TTLL7: variants seen among roughly 807,000 people sequenced by gnomAD.
The protein encoded by TTLL7 is tubulin tyrosine ligase like 7.
Under a neutral mutation model 120.2 loss-of-function variants are expected in TTLL7, and 53 were observed. The observed-to-expected ratio is 0.44, with a 90% confidence interval of 0.35 to 0.55. The LOEUF (loss-of-function observed/expected upper bound fraction) is 0.55. Ranked by LOEUF, TTLL7 falls within the 20% of genes least tolerant of loss-of-function variation. TTLL7 has a pLI of 0.00. For synonymous variants in TTLL7, 353 were observed against 351.7 expected (o/e 1.00, Z -0.04); for missense variants, 803 against 1,054.7 (o/e 0.76, Z 3.31).
At chr1:83,897,557 G>T (rs1035264294) in intron 18 of TTLL7, among the ~76,000 whole-genome samples, 1 of 152,002 alleles carries the variant, frequency 6.6e-6, no homozygotes, top group African/African-American at 2.4e-5. Context: ...TCCCCACTGG[G>T]GATCCACTGC....
chr1:83,931,741 A>C (rs1352618318), intron 9 of TTLL7, among the ~76,000 whole-genome samples: 1 of 152,120 alleles, frequency 6.6e-6, no homozygotes, highest in African/African-American at 2.4e-5. Context: ...TCCTAAAAAA[A>C]TGTTTTCTAC....
At chr1:83,963,050 C>T (rs1213024195) in intron 1 of TTLL7, among the ~76,000 whole-genome samples, 1 of 152,078 alleles carries the variant, frequency 6.6e-6, no homozygotes, top group Non-Finnish European at 1.5e-5. Flanking sequence ...ATCATTTTTG[C>T]CATAGCCTGC....
chr1:83,953,259 A>C (rs2100866026), intron 1 of TTLL7, among the ~76,000 whole-genome samples: 1 of 152,316 alleles, frequency 6.6e-6, no homozygotes, highest in Admixed American at 6.5e-5. Context: ...CATATTGTTC[A>C]GTCTGTACTA....
At chr1:83,881,142 A>G (rs1654418402) in intron 20 of TTLL7, among the ~76,000 whole-genome samples, 1 of 151,392 alleles carries the variant, frequency 6.6e-6, no homozygotes, top group South Asian at 2.1e-4. Context: ...AAAACCCTAG[A>G]AGAAAACCTA....
At chr1:83,889,326 C>T (rs1260731456) in intron 19 of TTLL7, among the ~76,000 whole-genome samples, 1 of 152,080 alleles carries the variant, frequency 6.6e-6, no homozygotes, top group East Asian at 1.9e-4. Context: ...CCTCCCATGA[C>T]ACGTGGGGAT....
chr1:83,939,567 A>G (rs1193848210), intron 7 of TTLL7, among the ~76,000 whole-genome samples: 1 of 152,200 alleles, frequency 6.6e-6, no homozygotes, highest in African/African-American at 2.4e-5. Flanking sequence ...GCAGCTATGA[A>G]CCATATAGCA....
chr1:83,954,462 C>T (rs907665440), intron 1 of TTLL7, among the ~76,000 whole-genome samples: 3 of 152,168 alleles, frequency 2.0e-5, no homozygotes, highest in African/African-American at 2.4e-5. Flanking sequence ...TTTGAGATGA[C>T]GGATTTATCC....
At chr1:83,962,855 C>G (rs1326784831) in intron 1 of TTLL7, among the ~76,000 whole-genome samples, 1 of 152,118 alleles carries the variant, frequency 6.6e-6, no homozygotes, top group Admixed American at 6.6e-5. Flanking sequence ...AGTTTTGGAC[C>G]ACCTAGCTCC....
At chr1:83,925,839 A>G (rs1305115010) in intron 10 of TTLL7, among the ~76,000 whole-genome samples, 1 of 152,090 alleles carries the variant, frequency 6.6e-6, no homozygotes, top group African/African-American at 2.4e-5. Flanking sequence ...AATGTCCAGT[A>G]GGCTGGGCAC....
chr1:83,897,878 A>C (rs1291165301), intron 18 of TTLL7, among the ~76,000 whole-genome samples: 3 of 151,478 alleles, frequency 2.0e-5, no homozygotes, highest in African/African-American at 7.3e-5. Context: ...AAAAAAAAAA[A>C]AAAAAAACTT....
chr1:83,871,212 G>T (rs1653361044), intron 20 of TTLL7, among the ~76,000 whole-genome samples: 1 of 151,926 alleles, frequency 6.6e-6, no homozygotes. Flanking sequence ...AATAGAGACG[G>T]GTTTCACCGT....
intron 18 of TTLL7, among the ~76,000 whole-genome samples, chr1:83,900,566 G>A (rs1656634647): frequency 6.6e-6 from 1 of 151,720 alleles, no homozygotes; most frequent in African/African-American, 2.4e-5. Context: ...GGGTCAGGGA[G>A]AGACACTCTC....
At chr1:83,950,471 G>A (rs1020815924) in intron 3 of TTLL7, among the ~76,000 whole-genome samples, 5 of 152,104 alleles carry the variant, frequency 3.3e-5, no homozygotes, top group African/African-American at 9.7e-5. Context: ...TACTTAGGAC[G>A]TGAAATAATG....
intron 18 of TTLL7, among the ~76,000 whole-genome samples, chr1:83,894,485 A>G (rs1656048452): frequency 6.6e-6 from 1 of 152,144 alleles, no homozygotes; most frequent in Non-Finnish European, 1.5e-5. Flanking sequence ...TGCTCTATGC[A>G]AAACACTGTG....
chr1:83,974,032 A>C (rs1224141108), intron 1 of TTLL7, among the ~76,000 whole-genome samples: 2 of 151,938 alleles, frequency 1.3e-5, no homozygotes, highest in African/African-American at 2.4e-5. Context: ...TATATGTTTT[A>C]CCTCAAATTT....
intron 1 of TTLL7, among the ~76,000 whole-genome samples, chr1:83,988,589 G>A (rs972509379): frequency 2.0e-5 from 3 of 152,162 alleles, no homozygotes; most frequent in East Asian, 1.9e-4. Context: ...TGACTGATGC[G>A]AGATGGTATC....
At chr1:83,932,787 T>C (rs974220126) in intron 9 of TTLL7, among the ~76,000 whole-genome samples, 1 of 152,124 alleles carries the variant, frequency 6.6e-6, no homozygotes, top group Non-Finnish European at 1.5e-5. Context: ...TACAGCTGTA[T>C]GTTCCTGATT....
chr1:83,925,103 A>G (rs1659002458), intron 10 of TTLL7, among the ~76,000 whole-genome samples: 1 of 152,144 alleles, frequency 6.6e-6, no homozygotes, highest in Admixed American at 6.6e-5. Flanking sequence ...CTCAAAACAT[A>G]CAGTCCAACT....
At position 83,866,379 on chromosome 1, in the gene TTLL7, C is replaced by T. The variant is rs1424311232; in HGVS notation, c.*3583G>A. On this transcript the variant is annotated 3_prime_UTR_variant, in exon 21 of 21. Transcript: ENST00000260505. The stretch of plus-strand genomic sequence containing the variant: ...TGGATTATTAAAACATCTGAAATTT[C>T]AAGTTAGATACAAAATTCCATACTC... 1 of 151,630 alleles carries T rather than the reference C, an allele frequency of 6.6e-6. No individual in the cohort carries two copies. Among genetic ancestry groups the T allele is most frequent in the Non-Finnish European group, 1.5e-5 (1 of 67,748 alleles). The allele number at this position is 151,630 out of a possible 1,614,324, so 9.4% of individuals were successfully genotyped here.
Sources: gnomAD v4.1 joint callset for allele counts (sites outside exome capture counted in the v4.1 genomes callset) on GRCh38, gnomAD v4.1.1 for gene constraint, MANE v1.5 for transcripts, NCBI Gene and HGNC (gene_info 2026-07-23, HGNC 2026-07-21) for gene names.